MMS19: variants seen among roughly 807,000 people sequenced by gnomAD.
The protein encoded by MMS19 is MMS19 cytosolic iron-sulfur assembly component, also known as MMS19 nucleotide excision repair protein homolog.
MMS19 carries 77 observed loss-of-function variants against 129.8 expected under a neutral mutation model. The ratio of observed to expected loss-of-function variants is 0.59; its 90% confidence interval spans 0.49 to 0.72. MMS19 has a LOEUF of 0.72. MMS19 is among the 30% of genes least tolerant of loss of function. The pLI is 0.00. For synonymous variants in MMS19, 491 were observed against 502.8 expected (o/e 0.98, Z 0.31); for missense variants, 1,168 against 1,266.3 (o/e 0.92, Z 1.18).
At chr10:97,498,615 C>T (rs2040249369), upstream of MMS19, 6 of 535,272 alleles carry the variant, frequency 1.1e-5, no homozygotes, top group South Asian at 1.2e-4. Flanking sequence ...CGATTGAGGG[C>T]GAATAATTCC....
At position 97,462,663 on chromosome 10, in the gene MMS19, C is replaced by T. The variant is rs777712478; in HGVS notation, c.1932G>A (p.Leu644=). The change falls in exon 20 of 31, where the codon CTG becomes CTA. Residue 644 remains leucine, a synonymous_variant. Transcript: ENST00000438925. ...CCTCATCCTCCAATAGTACTTTTCT[C>T]AGAACTGAGGGCTCCTTCTCTGCAA... ...ASMPEKEPSV[L]RKVLLEDEVL... is the part of the protein sequence containing the mutation. The T allele has an allele frequency of 1.9e-6, 3 of 1,613,898 alleles. No homozygotes were observed. The highest frequency in any genetic ancestry group is 2.5e-6 in the Non-Finnish European group (3 of 1,179,820).
chr10:97,488,813 G>C (rs1398659117), intron 1 of MMS19, among the ~76,000 whole-genome samples: 1 of 152,154 alleles, frequency 6.6e-6, no homozygotes, highest in Non-Finnish European at 1.5e-5. Context: ...AATAATGCAT[G>C]TATAACGTTA....
chr10:97,462,421 G>A (rs1173207273), intron 20 of MMS19, among the ~76,000 whole-genome samples, 162 bp downstream of exon 20: 3 of 152,180 alleles, frequency 2.0e-5, no homozygotes, highest in African/African-American at 7.2e-5. Context: ...ATGGTGCTAA[G>A]AGCCCCTTCC....
chr10:97,460,737 T>G lies in MMS19; in HGVS notation c.2427A>C (p.Leu809=). Residue 809 remains leucine, a synonymous_variant, in exon 25 of 31, where the codon CTA becomes CTC. Transcript: ENST00000438925. ...FTLLLWVTKA[L]VLRYHPLSSC... is the part of the protein sequence containing the mutation. ...AGCTGAGAGGATGGTATCTGAGCAC[T>G]AGGGCCTTTGTTACCTGTAATTGGA... is the stretch of plus-strand genomic sequence containing the variant. 6.3e-7 allele frequency: 1 copy of G among 1,599,688 alleles called. No homozygotes were observed. The highest frequency in any genetic ancestry group is 8.5e-7 in the Non-Finnish European group (1 of 1,172,702).
chr10:97,491,475 G>A (rs1433342972), intron 1 of MMS19, among the ~76,000 whole-genome samples: 1 of 152,032 alleles, frequency 6.6e-6, no homozygotes, highest in Non-Finnish European at 1.5e-5. Flanking sequence ...GACCAGTCTG[G>A]CCAATATGGT....
intron 1 of MMS19, among the ~76,000 whole-genome samples, chr10:97,492,038 T>C (rs971795239): frequency 6.7e-6 from 1 of 149,660 alleles, no homozygotes; most frequent in Non-Finnish European, 1.5e-5. Context: ...CTCCGAAGGC[T>C]GAGGCAGGAG....
intron 16 of MMS19, 128 bp from the exon 17 acceptor site, chr10:97,466,287 A>T: frequency 1.2e-6 from 1 of 800,088 alleles, no homozygotes; most frequent in Non-Finnish European, 2.1e-6. Context: ...GAACTCAAGT[A>T]CCTACACCAC....
chr10:97,458,351 C>T lies in MMS19; in HGVS notation c.*341G>A. On this transcript the variant is annotated 3_prime_UTR_variant, in exon 31 of 31. Transcript: ENST00000438925. ...ACCAAAAGAAATCTTTATTCTTCAG[C>T]AGGTAGACAACATCTGCCAGCCCTG... The T allele has an allele frequency of 4.2e-6, 1 of 239,296 alleles. No homozygotes were observed. Among genetic ancestry groups the T allele is most frequent in the South Asian group, 1.6e-4 (1 of 6,444 alleles). 14.8% of individuals were successfully genotyped at this position (239,296 alleles called of 1,614,324 possible).
chr10:97,458,598 A>G lies in MMS19; in HGVS notation c.*94T>C. 2 of 1,308,122 alleles carry G rather than the reference A, an allele frequency of 1.5e-6. No individual in the cohort carries two copies. The highest frequency in any genetic ancestry group is 2.1e-6 in the Non-Finnish European group (2 of 949,116). 81.0% of individuals were successfully genotyped at this position (1,308,122 alleles called of 1,614,324 possible). On this transcript the variant is annotated 3_prime_UTR_variant, in exon 31 of 31. Transcript: ENST00000438925. ...TGCTGTGTCTGTGGGAAAGGCAGTC[A>G]GAGACCAGTGGTTTCCCTGCTTTGG... is the stretch of plus-strand genomic sequence containing the variant.
At position 97,460,181 on chromosome 10, in the gene MMS19, A is replaced by C. The variant is rs753004066; in HGVS notation, c.2521T>G (p.Phe841Val). ...PELGPAAADGFSLLMSDCTDV... is the reference protein window; with the variant it reads ...PELGPAAADGVSLLMSDCTDV... ...GTGCAGTCAGACATGAGCAGAGAGA[A>C]GCCATCAGCTGCTGCTGGACCTAAT... Residue 841 changes from phenylalanine to valine, a missense_variant, in exon 26 of 31, where the codon TTC becomes GTC. This residue lies in a region of MMS19 where 831 missense variants were observed against 910.8 expected (regional missense o/e 0.91). Transcript: ENST00000438925. 3 of 1,614,012 alleles carry C rather than the reference A, an allele frequency of 1.9e-6. No individual in the cohort carries two copies. The highest frequency in any genetic ancestry group is 1.1e-5 in the South Asian group (1 of 91,082).
chr10:97,486,732 C>T (rs564436230), intron 1 of MMS19, among the ~76,000 whole-genome samples: 50 of 151,610 alleles, frequency 3.3e-4, no homozygotes, highest in Admixed American at 2.5e-3. Context: ...TATAGAAAGG[C>T]ATCTCATATC....
chr10:97,466,130 G>A lies in MMS19; in HGVS notation c.1535C>T (p.Thr512Ile). 2 of 1,584,102 alleles carry A rather than the reference G, an allele frequency of 1.3e-6. No homozygotes were observed. The highest frequency in any genetic ancestry group is 1.9e-5 in the Admixed American group (1 of 53,614). The change falls in exon 17 of 31, where the codon ACC (threonine) becomes ATC (isoleucine). Residue 512 changes from threonine (T) to isoleucine (I), a missense_variant. Physicochemically the swap from Thr to Ile is moderately conservative, Grantham distance 89. Around this residue, in one of 3 missense-constraint regions of MMS19, gnomAD observed 831 missense variants for 910.8 expected, o/e 0.91. Transcript: ENST00000438925. Reference protein sequence around the residue: ...CRVAALEASGTLAALYPVAFS... With the variant: ...CRVAALEASGILAALYPVAFS... ...GGCCACAGGGTAGAGAGCAGCCAGG[G>A]TTCCTGATGCTTCCAGTGCTGCCAC...
intron 26 of MMS19, 131 bp downstream of exon 26, chr10:97,459,915 G>T (rs770600993): frequency 9.2e-7 from 1 of 1,082,116 alleles, no homozygotes; most frequent in Non-Finnish European, 1.3e-6. Flanking sequence ...CAAGAATCTA[G>T]AAGTTTAGTC....
At chr10:97,472,872 A>T (rs2035019942) in intron 8 of MMS19, among the ~76,000 whole-genome samples, 1 of 151,296 alleles carries the variant, frequency 6.6e-6, no homozygotes, top group African/African-American at 2.4e-5. Context: ...CTCCCAAAGT[A>T]GCGGGATTAC....
In MMS19 at chr10:97,468,398, G is replaced by A; in HGVS notation, c.1072C>T (p.His358Tyr). Residue 358 changes from histidine to tyrosine, a missense_variant, in exon 13 of 31, where the codon CAC becomes TAC. Transcript: ENST00000438925. ...TTCATGTCCGGTTCACACAGGTGGTGCCTGCAGTCTAGAGAAGCAGCACAT... is the reference window on the plus strand; with the variant it reads ...TTCATGTCCGGTTCACACAGGTGGTACCTGCAGTCTAGAGAAGCAGCACAT... ...FLSNILQDCR[H>Y]HLCEPDMKLV... is the part of the protein sequence containing the mutation. 6.2e-7 allele frequency: 1 copy of A among 1,606,980 alleles called. No homozygotes were observed. Among genetic ancestry groups the A allele is most frequent in the Non-Finnish European group, 8.5e-7 (1 of 1,175,470 alleles).
At chr10:97,478,530 G>A in intron 3 of MMS19, 141 bp from the exon 4 acceptor site, 1 of 622,788 alleles carries the variant, frequency 1.6e-6, no homozygotes, top group African/African-American at 1.8e-5. Context: ...CATGTCCTGT[G>A]CCTTCCCATT....
At position 97,470,864 on chromosome 10, in the gene MMS19, G is replaced by A; in HGVS notation, c.685-3C>T. The A allele has an allele frequency of 6.2e-7, 1 of 1,613,078 alleles. No homozygotes were observed. The highest frequency in any genetic ancestry group is 8.5e-7 in the Non-Finnish European group (1 of 1,179,402). On this transcript the variant is annotated splice_region_variant and splice_polypyrimidine_tract_variant and intron_variant, in intron 8 of 30. Coordinates refer to ENST00000438925, the MANE Select transcript of MMS19 (RefSeq NM_022362.5). ...ATACCATGGGGATCATTAGGTGGCT[G>A]GAAAAGGGAGAAGGGCTGTGGGTTT...
chr10:97,482,724 GTGTGTA>G (rs1438528123), intron 2 of MMS19, among the ~76,000 whole-genome samples: 40 of 107,996 alleles, frequency 3.7e-4, no homozygotes, highest in African/African-American at 9.7e-4. Context: ...GTGTGTGTGT[GTGTGTA>G]TATATATACA....
chr10:97,487,599 G>A (rs1300486903), intron 1 of MMS19, among the ~76,000 whole-genome samples: 10 of 152,048 alleles, frequency 6.6e-5, no homozygotes, highest in South Asian at 2.1e-4. Context: ...GATTACAGGC[G>A]TGAGCCACCG....
Sources: allele counts gnomAD v4.1 joint callset (sites outside exome capture counted in the v4.1 genomes callset), GRCh38; gene constraint gnomAD v4.1.1; regional missense constraint gnomAD v4.1.1; transcripts MANE v1.5; gene names NCBI Gene and HGNC (gene_info 2026-07-23, HGNC 2026-07-21).